Variants in NELL2 observed in about 807,000 individuals in gnomAD.
The protein encoded by NELL2 is neural EGFL like 2, also known as protein kinase C-binding protein NELL2.
A neutral mutation model predicts 109.6 loss-of-function variants in NELL2; 41 were observed. That is an observed-to-expected ratio of 0.37 (90% CI 0.29 to 0.49). NELL2 has a LOEUF of 0.49. NELL2 is among the 20% of genes least tolerant of loss of function. The pLI, the probability that NELL2 is intolerant of heterozygous loss-of-function variation, is 0.98. For synonymous variants in NELL2, 355 were observed against 344.7 expected, an observed-to-expected ratio of 1.03 and a Z score of -0.33; for missense variants, 900 against 1,008.3, an observed-to-expected ratio of 0.89 and a Z score of 1.45.
At chr12:44,883,804 C>A (rs886572463) in intron 1 of NELL2, among the ~76,000 whole-genome samples, 1 of 151,678 alleles carries the variant, frequency 6.6e-6, no homozygotes, top group Non-Finnish European at 1.5e-5. Flanking sequence ...AGAGCACCAA[C>A]CCAAAATCCT....
At chr12:44,558,844 A>T (rs1236343286) in intron 15 of NELL2, among the ~76,000 whole-genome samples, 1 of 152,068 alleles carries the variant, frequency 6.6e-6, no homozygotes, top group Non-Finnish European at 1.5e-5. Context: ...TACCCTGGAA[A>T]AGGGGCTGAA....
chr12:44,708,507 C>T (rs1938013691), intron 11 of NELL2, among the ~76,000 whole-genome samples: 1 of 152,090 alleles, frequency 6.6e-6, no homozygotes, highest in Non-Finnish European at 1.5e-5. Flanking sequence ...AAACAGGAGG[C>T]CAATTTTATC....
chr12:44,692,357 C>T (rs1385777031), intron 12 of NELL2, among the ~76,000 whole-genome samples: 5 of 152,110 alleles, frequency 3.3e-5, no homozygotes, highest in African/African-American at 1.2e-4. Context: ...AAGAAGTATT[C>T]CTTTCAAATT....
rs570942219 is a variant in NELL2 at position 44,920,114 on chromosome 12, T to C, written c.-32+1676A>G. Among the ~76,000 whole-genome samples the C allele has an allele frequency of 9.2e-5, 14 of 152,230 alleles. No homozygotes were observed. In the East Asian group the frequency reaches 2.5e-3, roughly 27 times the overall value. ...GAAAAAAAGAATAATTTGGAAGTTATGTAATGTATGTTAATAGAATGAGAA... is the reference window on the plus strand; with the variant it reads ...GAAAAAAAGAATAATTTGGAAGTTACGTAATGTATGTTAATAGAATGAGAA... On this transcript the variant is annotated intron_variant, in intron 1 of 9. Transcript: ENST00000552993.
At chr12:44,623,146 C>T (rs1435892432) in intron 13 of NELL2, among the ~76,000 whole-genome samples, 1 of 152,088 alleles carries the variant, frequency 6.6e-6, no homozygotes, top group Non-Finnish European at 1.5e-5. Flanking sequence ...ATGAGTAAGG[C>T]AGAATTCTCA....
chr12:44,568,559 C>G (rs1175867336), intron 15 of NELL2, among the ~76,000 whole-genome samples: 1 of 151,888 alleles, frequency 6.6e-6, no homozygotes, highest in Non-Finnish European at 1.5e-5. Context: ...CTTAGAAAGG[C>G]AAACTGATTC....
chr12:44,662,350 G>GAATC (rs1947775547), intron 13 of NELL2, among the ~76,000 whole-genome samples: 1 of 152,102 alleles, frequency 6.6e-6, no homozygotes, highest in African/African-American at 2.4e-5. Context: ...CATAAAATAT[G>GAATC]AATCATTTCC....
At chr12:44,811,337 T>TAAAAAAAAAAAAAAAA (rs10683929) in intron 3 of NELL2, among the ~76,000 whole-genome samples, 1 of 103,180 alleles carries the variant, frequency 9.7e-6, no homozygotes, top group African/African-American at 4.0e-5. Context: ...GAACTAAAAG[T>TAAAAAAAAAAAAAAAA]AAAAAAAAAA....
At chr12:44,893,266 A>C (rs1317037045) in intron 1 of NELL2, among the ~76,000 whole-genome samples, 1 of 152,116 alleles carries the variant, frequency 6.6e-6, no homozygotes, top group African/African-American at 2.4e-5. Context: ...ATTCTTAATC[A>C]GTTCTTTCTA....
intron 15 of NELL2, among the ~76,000 whole-genome samples, chr12:44,589,112 T>C (rs1276157943): frequency 1.3e-5 from 2 of 152,168 alleles, no homozygotes; most frequent in Non-Finnish European, 2.9e-5. Flanking sequence ...TGGCATAGAC[T>C]GTAAGTAGCA....
At chr12:44,893,965 A>G (rs1025140025) in intron 1 of NELL2, among the ~76,000 whole-genome samples, 1 of 152,216 alleles carries the variant, frequency 6.6e-6, no homozygotes, top group Non-Finnish European at 1.5e-5. Flanking sequence ...TTCTAGAAAA[A>G]TAAACGAAAA....
intron 3 of NELL2, among the ~76,000 whole-genome samples, chr12:44,785,465 T>C (rs1479554832): frequency 6.6e-6 from 1 of 152,174 alleles, no homozygotes; most frequent in Non-Finnish European, 1.5e-5. Flanking sequence ...AAGTAATGTA[T>C]AGATTCAGTG....
chr12:44,577,561 C>G (rs926676992), intron 15 of NELL2, among the ~76,000 whole-genome samples: 1 of 147,736 alleles, frequency 6.8e-6, no homozygotes, highest in Non-Finnish European at 1.5e-5. Context: ...CACTGCAAGC[C>G]CCGCCTCCCG....
intron 12 of NELL2, among the ~76,000 whole-genome samples, chr12:44,670,598 G>C (rs1257090081): frequency 8.8e-6 from 1 of 113,000 alleles, no homozygotes; most frequent in East Asian, 2.8e-4. Context: ...TAGACTAAAA[G>C]AGAAGGGACG....
chr12:44,838,756 T>C (rs1944131211), intron 2 of NELL2, among the ~76,000 whole-genome samples: 3 of 151,266 alleles, frequency 2.0e-5, no homozygotes, highest in African/African-American at 7.3e-5. Flanking sequence ...ACAGCTCTTC[T>C]AGCAGAACTA....
chr12:44,540,985 C>T (rs1942534449), intron 15 of NELL2, among the ~76,000 whole-genome samples: 1 of 151,614 alleles, frequency 6.6e-6, no homozygotes, highest in African/African-American at 2.4e-5. Flanking sequence ...GTGGCTCACA[C>T]CTGTAATCCC....
intron 15 of NELL2, among the ~76,000 whole-genome samples, chr12:44,557,044 A>G (rs1943284695): frequency 6.6e-6 from 1 of 152,182 alleles, no homozygotes; most frequent in Non-Finnish European, 1.5e-5. Context: ...GTGTTCAATA[A>G]TGAATTGTCC....
intron 9 of NELL2, among the ~76,000 whole-genome samples, chr12:44,741,307 A>G (rs920177964): frequency 6.6e-5 from 10 of 152,174 alleles, no homozygotes; most frequent in Non-Finnish European, 1.5e-4. Context: ...TCATAACAAT[A>G]CAGTATATAA....
intron 9 of NELL2, among the ~76,000 whole-genome samples, chr12:44,731,733 A>T (rs1290297885): frequency 3.9e-5 from 6 of 152,090 alleles, no homozygotes; most frequent in Non-Finnish European, 5.9e-5. Flanking sequence ...AAGTACTAGA[A>T]CTTCTAGCAA....
Sources: allele counts gnomAD v4.1 joint callset (sites outside exome capture counted in the v4.1 genomes callset), GRCh38; gene constraint gnomAD v4.1.1; transcripts MANE v1.5; gene names NCBI Gene and HGNC (gene_info 2026-07-23, HGNC 2026-07-21).